Variants in FBN3 observed in about 807,000 individuals in gnomAD.
The protein encoded by FBN3 is fibrillin-3.
A neutral mutation model predicts 330.1 loss-of-function variants in FBN3; 234 were observed. That is an observed-to-expected ratio of 0.71 (90% CI 0.64 to 0.79). FBN3 has a LOEUF of 0.79. FBN3 is among the 30% of genes least tolerant of loss of function. FBN3 has a pLI of 0.00. For missense variants in FBN3, 3,606 were observed against 3,886.9 expected (o/e 0.93, Z 1.92); for synonymous variants, 1,458 against 1,517.3 (o/e 0.96, Z 0.91).
intron 59 of FBN3, among the ~76,000 whole-genome samples, chr19:8,080,583 C>G (rs113075345): frequency 1.3e-5 from 2 of 152,174 alleles, no homozygotes; most frequent in African/African-American, 4.8e-5. Context: ...GTTCTGATCA[C>G]CCCCATGTCC....
Position 8,121,320 on chromosome 19 carries a change from C to G in FBN3, c.3149G>C (p.Ser1050Thr). 6.2e-7 allele frequency: 1 copy of G among 1,613,572 alleles called. No individual in the cohort carries two copies. Among genetic ancestry groups the G allele is most frequent in the African/African-American group, 1.3e-5 (1 of 75,048 alleles). ...GCCGGGAAAACACTCGCACTCAAAG[C>G]TGCCCGGCGTGTTGACACAGGTGCC... ...GQGTCVNTPG[S>T]FECECFPGYE... The change falls in exon 25 of 64, where the codon AGC (serine) becomes ACC (threonine). Residue 1050 changes from serine to threonine, a missense_variant. Coordinates refer to ENST00000600128, the MANE Select transcript of FBN3 (RefSeq NM_032447.5). The surrounding 1 kb of genome is among the most constrained non-coding windows in gnomAD (Gnocchi z 4.5).
intron 34 of FBN3, 75 bp downstream of exon 34, chr19:8,110,770 G>A: frequency 6.3e-7 from 1 of 1,581,952 alleles, no homozygotes; most frequent in African/African-American, 1.3e-5. Context: ...TCTGAGGGCA[G>A]TGAGGGAGTG....
chr19:8,146,960 G>A lies in FBN3; in HGVS notation c.250+144C>T. The A allele has an allele frequency of 4.2e-6, 3 of 721,304 alleles. No homozygotes were observed. In the East Asian group the frequency reaches 8.1e-5, roughly 20 times the overall value. 44.7% of individuals were successfully genotyped at this position (721,304 alleles called of 1,614,324 possible). A position where few individuals can be genotyped will look rare whatever the true frequency, so the allele number is the denominator to read the frequency against. On this transcript the variant is annotated intron_variant, in intron 3 of 63. Transcript: ENST00000600128. ...ATGGCAGGTTGGCCTGGAACCCTGA[G>A]GACAGACGCAGATGCAAGGGCCATT...
intron 30 of FBN3, among the ~76,000 whole-genome samples, chr19:8,114,290 C>T (rs1457808718): frequency 6.6e-6 from 1 of 152,096 alleles, no homozygotes; most frequent in Non-Finnish European, 1.5e-5. Context: ...TGCTCTGTGG[C>T]CCAAGCTGGA....
chr19:8,083,138 T>C, intron 57 of FBN3, 109 bp downstream of exon 57: 1 of 1,355,536 alleles, frequency 7.4e-7, no homozygotes, highest in Non-Finnish European at 1.0e-6. Flanking sequence ...ACTTTGTAAA[T>C]GAAAGCCTAA....
chr19:8,112,272 C>T (rs1303465838), intron 30 of FBN3, among the ~76,000 whole-genome samples, 173 bp from the exon 31 acceptor site: 3 of 152,100 alleles, frequency 2.0e-5, no homozygotes, highest in Non-Finnish European at 2.9e-5. Context: ...AGGAAAACCC[C>T]GAAACCCAAC....
rs2144895692 is a variant in FBN3 at position 8,121,267 on chromosome 19, T to C, written c.3202A>G (p.Asn1068Asp). ...CCCGGCAGTCACCGACCCATGCAGT[T>C]CTTCATCAGCATGAAGCCACTCTCG... ...GYESGFMLMKNCMDVDECARD... is the reference protein window; with the variant it reads ...GYESGFMLMKDCMDVDECARD... The change falls in exon 25 of 64, where the codon AAC becomes GAC. Residue 1068 changes from asparagine (N) to aspartate (D), a missense_variant. Physicochemically the swap from Asn to Asp is conservative, Grantham distance 23 (BLOSUM62 1). Transcript: ENST00000600128. This position sits in a 1 kb window ranked among gnomAD's most constrained non-coding sequence, Gnocchi z 4.5. 4 of 1,607,096 alleles carry C rather than the reference T, an allele frequency of 2.5e-6. No homozygotes were observed. The highest frequency in any genetic ancestry group is 8.5e-7 in the Non-Finnish European group (1 of 1,176,154).
At chr19:8,127,059 G>GTTTTTTT (rs869282535) in intron 18 of FBN3, among the ~76,000 whole-genome samples, 1 of 103,890 alleles carries the variant, frequency 9.6e-6, no homozygotes. Flanking sequence ...TTTTTTTTTT[G>GTTTTTTT]TTTTTTTTTT....
intron 22 of FBN3, among the ~76,000 whole-genome samples, chr19:8,125,031 G>T (rs182413219): frequency 1.3e-5 from 2 of 152,236 alleles, no homozygotes; most frequent in Admixed American, 6.5e-5. Flanking sequence ...TCTAACCCCA[G>T]TGCAAGATGT....
chr19:8,111,573 C>T, intron 32 of FBN3, 75 bp downstream of exon 32: 1 of 1,452,044 alleles, frequency 6.9e-7, no homozygotes, highest in South Asian at 1.3e-5. Flanking sequence ...GTCGAGTGAC[C>T]ATGGCAGCCA....
Position 8,109,743 on chromosome 19 carries a change from C to T in FBN3, c.4344G>A (p.Glu1448=). ...RGGGNCTDIN[E]CADPVNCING... is the part of the protein sequence containing the mutation. The stretch of plus-strand genomic sequence containing the variant: ...TGATGCAGTTTACTGGGTCTGCACA[C>T]TCGTTGATGTCTGTAGGGAGGAAGC... Residue 1448 remains glutamate, a synonymous_variant, in exon 35 of 64, where the codon GAG becomes GAA. Transcript: ENST00000600128. The surrounding 1 kb of genome is among the most constrained non-coding windows in gnomAD (Gnocchi z 5.2). 1 of 1,517,680 alleles carries T rather than the reference C, an allele frequency of 6.6e-7. No individual in the cohort carries two copies. The highest frequency in any genetic ancestry group is 8.8e-7 in the Non-Finnish European group (1 of 1,132,714). The allele number at this position is 1,517,680 out of a possible 1,614,324, so 94.0% of individuals were successfully genotyped here.
chr19:8,081,351 A>G lies in FBN3; in HGVS notation c.7336+7T>C. The G allele has an allele frequency of 6.3e-7, 1 of 1,594,870 alleles. No homozygotes were observed. The highest frequency in any genetic ancestry group is 8.5e-7 in the Non-Finnish European group (1 of 1,170,786). On this transcript the variant is annotated splice_region_variant and intron_variant, in intron 58 of 63. Transcript: ENST00000600128. ...GTGGGAGTGGGGGAGAGTTGAAAGG[A>G]CATCACCTTTGCAGGTCCTGCCATC...
intron 41 of FBN3, among the ~76,000 whole-genome samples, chr19:8,098,174 A>G (rs2144740109): frequency 6.6e-6 from 1 of 152,310 alleles, no homozygotes; most frequent in East Asian, 1.9e-4. Context: ...TATATAAACA[A>G]TCTAAATGTC....
intron 14 of FBN3, among the ~76,000 whole-genome samples, 165 bp downstream of exon 14, chr19:8,132,819 G>A (rs66928190): frequency 0.19 from 28,822 of 151,670 alleles, 3,270 homozygotes; most frequent in South Asian, 0.39. Flanking sequence ...CTTCTTCTTC[G>A]CTTCTCCCCT....
intron 56 of FBN3, 137 bp downstream of exon 56, chr19:8,085,226 C>CACACACACAT: frequency 2.3e-6 from 1 of 426,574 alleles, no homozygotes; most frequent in Non-Finnish European, 3.9e-6. Context: ...CAAAGACACA[C>CACACACACAT]ACACACACAC....
chr19:8,149,201 G>A lies in FBN3; in HGVS notation c.-18+248C>T, dbSNP rs1390869190. On this transcript the variant is annotated intron_variant, in intron 1 of 63. Transcript: ENST00000600128. This position sits in a 1 kb window ranked among gnomAD's most constrained non-coding sequence, Gnocchi z 5.5. ...CCCGGCCGCGACCACGCTTGGCTCC[G>A]CCCTCACCTGTGGGGTCAGGGGCCC... is the stretch of plus-strand genomic sequence containing the variant. Among the ~76,000 whole-genome samples the A allele has an allele frequency of 6.6e-6, 1 of 151,850 alleles. No homozygotes were observed. The highest frequency in any genetic ancestry group is 1.5e-5 in the Non-Finnish European group (1 of 67,906).
Position 8,145,856 on chromosome 19 carries a change from G to A in FBN3, c.432C>T (p.Thr144=), listed in dbSNP as rs759730814. 61 of 1,550,724 alleles carry A rather than the reference G, an allele frequency of 3.9e-5. No individual in the cohort carries two copies. The highest frequency in any genetic ancestry group is 7.3e-5 in the East Asian group (3 of 40,916). ...GGGGATACTCACGCTGCCCACACACGGTGCCTGTGTAGCCCTTCTGACACA... is the reference window on the plus strand; with the variant it reads ...GGGGATACTCACGCTGCCCACACACAGTGCCTGTGTAGCCCTTCTGACACA... The part of the protein sequence containing the change: ...SCLCQKGYTG[T]VCGQPICDRG... Residue 144 remains threonine, a synonymous_variant, in exon 5 of 64, where the codon ACC becomes ACT. Transcript: ENST00000600128.
At position 8,110,847 on chromosome 19, in the gene FBN3, G is replaced by A. The variant is rs2082563293; in HGVS notation, c.4331C>T (p.Thr1444Ile). The A allele has an allele frequency of 6.2e-7, 1 of 1,614,058 alleles. No individual in the cohort carries two copies. Among genetic ancestry groups the A allele is most frequent in the African/African-American group, 1.3e-5 (1 of 74,920 alleles). The change falls in exon 34 of 64, where the codon ACA becomes ATA. Residue 1444 changes from threonine (T) to isoleucine (I), a missense_variant and splice_region_variant. Transcript: ENST00000600128. ...YELDRGGGNCTDINECADPVN... is the reference protein window; with the variant it reads ...YELDRGGGNCIDINECADPVN... ...TTCCAGCCCAGATGACCTCACACCTGTGCAGTTGCCACCCCCTCGGTCCAG... is the reference window on the plus strand; with the variant it reads ...TTCCAGCCCAGATGACCTCACACCTATGCAGTTGCCACCCCCTCGGTCCAG...
intron 13 of FBN3, 25 bp downstream of exon 13, chr19:8,135,936 G>GGGGGGGGGGGGGGGGGGCCGC: frequency 1.5e-6 from 1 of 668,778 alleles, no homozygotes; most frequent in Non-Finnish European, 2.4e-6. Flanking sequence ...GGAAGCCCCT[G>GGGGGGGGGGGGGGGGGGCCGC]CCCACCCGCC....
Sources: gnomAD v4.1 joint callset for allele counts (sites outside exome capture counted in the v4.1 genomes callset) on GRCh38, gnomAD v4.1.1 for gene constraint, Gnocchi (gnomAD v3.1) non-coding constraint, MANE v1.5 for transcripts, NCBI Gene and HGNC (gene_info 2026-07-23, HGNC 2026-07-21) for gene names.